The following STXBP5 variants were observed in gnomAD, a reference collection of about 807,000 sequenced individuals.
The protein encoded by STXBP5 is syntaxin binding protein 5.
In STXBP5, 50 loss-of-function variants were observed where a neutral mutation model predicts 152.4. The observed-to-expected ratio is 0.33, with a 90% CI of 0.26 to 0.42. STXBP5 has a LOEUF of 0.42. Among genes scored for constraint, STXBP5 ranks in the 10% least tolerant of loss-of-function variants. STXBP5 has a pLI of 1.00. For missense variants in STXBP5, 1,167 were observed against 1,388.6 expected, an observed-to-expected ratio of 0.84 and a Z score of 2.54; for synonymous variants, 492 against 494.7, an observed-to-expected ratio of 0.99 and a Z score of 0.07.
intron 7 of STXBP5, among the ~76,000 whole-genome samples, chr6:147,268,722 A>G (rs1352410672): frequency 1.3e-5 from 2 of 152,242 alleles, no homozygotes; most frequent in East Asian, 3.8e-4. Flanking sequence ...ATAGTGATCT[A>G]GGCTTGAGCC....
chr6:147,369,885 A>C (rs1302586953), intron 25 of STXBP5, among the ~76,000 whole-genome samples: 2 of 152,066 alleles, frequency 1.3e-5, no homozygotes, highest in African/African-American at 2.4e-5. Flanking sequence ...TTTTCTAAAA[A>C]GTTAACATTC....
At chr6:147,260,194 T>C (rs1007032247) in intron 4 of STXBP5, among the ~76,000 whole-genome samples, 3 of 152,154 alleles carry the variant, frequency 2.0e-5, no homozygotes, top group Non-Finnish European at 4.4e-5. Flanking sequence ...GAGGTGCATT[T>C]TGCCTGGAAG....
At chr6:147,230,199 C>T (rs1198224294) in intron 2 of STXBP5, among the ~76,000 whole-genome samples, 2 of 151,754 alleles carry the variant, frequency 1.3e-5, no homozygotes, top group Non-Finnish European at 2.9e-5. Flanking sequence ...ATTTCTATTT[C>T]TTATTTAATT....
chr6:147,250,572 G>A (rs1562438537), intron 4 of STXBP5, among the ~76,000 whole-genome samples: 1 of 151,914 alleles, frequency 6.6e-6, no homozygotes, highest in Non-Finnish European at 1.5e-5. Flanking sequence ...GTATTCATGG[G>A]GCTCCTGGAA....
At chr6:147,248,280 C>CAAAAAA (rs753458821) in intron 4 of STXBP5, among the ~76,000 whole-genome samples, 1 of 52,584 alleles carries the variant, frequency 1.9e-5, no homozygotes, top group Non-Finnish European at 4.2e-5. Context: ...GACTCCATCT[C>CAAAAAA]AAAAAAAAAA....
At chr6:147,275,800 A>C (rs1582878074) in intron 7 of STXBP5, among the ~76,000 whole-genome samples, 1 of 151,416 alleles carries the variant, frequency 6.6e-6, no homozygotes, top group Non-Finnish European at 1.5e-5. Context: ...CTCATGATCC[A>C]CCCGCCTTGG....
At chr6:147,213,255 G>T (rs1289040948) in intron 2 of STXBP5, among the ~76,000 whole-genome samples, 2 of 151,396 alleles carry the variant, frequency 1.3e-5, no homozygotes, top group Non-Finnish European at 2.9e-5. Context: ...TTATTTACAA[G>T]AAGAATTTTT....
intron 9 of STXBP5, among the ~76,000 whole-genome samples, chr6:147,303,662 C>T: frequency 6.6e-6 from 1 of 152,188 alleles, no homozygotes; most frequent in Non-Finnish European, 1.5e-5. Context: ...GAGTTTGCAG[C>T]TTCCTAGAGA....
chr6:147,340,439 T>G (rs1388150515), intron 21 of STXBP5, among the ~76,000 whole-genome samples: 1 of 152,054 alleles, frequency 6.6e-6, no homozygotes, highest in Admixed American at 6.6e-5. Flanking sequence ...TCTTTGTATT[T>G]GTGGGGTTTT....
At chr6:147,206,704 G>C (rs1776583013) in intron 2 of STXBP5, among the ~76,000 whole-genome samples, 1 of 152,006 alleles carries the variant, frequency 6.6e-6, no homozygotes, top group Non-Finnish European at 1.5e-5. Context: ...AAAACTGTTA[G>C]GTTACTATAC....
chr6:147,329,270 T>A (rs1323668742), intron 18 of STXBP5, among the ~76,000 whole-genome samples: 2 of 148,826 alleles, frequency 1.3e-5, no homozygotes, highest in Non-Finnish European at 3.0e-5. Context: ...TATTATTTGC[T>A]TTATTTTGTT....
intron 4 of STXBP5, among the ~76,000 whole-genome samples, chr6:147,243,751 T>G (rs1778661815): frequency 6.6e-6 from 1 of 152,244 alleles, no homozygotes; most frequent in South Asian, 2.1e-4. Context: ...GATTTAAATT[T>G]TTTGAAATAT....
At chr6:147,304,526 C>T (rs961740656) in intron 9 of STXBP5, among the ~76,000 whole-genome samples, 3 of 152,118 alleles carry the variant, frequency 2.0e-5, no homozygotes, top group Non-Finnish European at 4.4e-5. Context: ...TGCCCCCACA[C>T]AGAGTCCCCA....
intron 21 of STXBP5, among the ~76,000 whole-genome samples, chr6:147,347,196 A>G (rs1784378130): frequency 6.6e-6 from 1 of 152,234 alleles, no homozygotes; most frequent in Non-Finnish European, 1.5e-5. Flanking sequence ...AGTTAGAAAA[A>G]GAAGGGCAAA....
Position 147,325,102 on chromosome 6 carries a change from T to G in STXBP5, c.1928+18T>G, listed in dbSNP as rs758052204. 1 of 1,481,774 alleles carries G rather than the reference T, an allele frequency of 6.7e-7. No homozygotes were observed. The highest frequency in any genetic ancestry group is 9.0e-7 in the Non-Finnish European group (1 of 1,107,600). The allele number at this position is 1,481,774 out of a possible 1,614,324, so 91.8% of individuals were successfully genotyped here. On this transcript the variant is annotated intron_variant, in intron 17 of 27. Coordinates refer to ENST00000321680, the MANE Select transcript of STXBP5 (RefSeq NM_001127715.4). ...TATGGACTGTAAGTATAAGTTACGT[T>G]TTTTTCTAAGTCTCTTCATAGTATT...
intron 21 of STXBP5, among the ~76,000 whole-genome samples, chr6:147,348,006 T>G (rs1276163066): frequency 6.6e-6 from 1 of 152,236 alleles, no homozygotes; most frequent in Non-Finnish European, 1.5e-5. Flanking sequence ...TTCTTTATAA[T>G]AAGAATGAAT....
intron 9 of STXBP5, among the ~76,000 whole-genome samples, chr6:147,299,932 GA>G (rs1781721892): frequency 6.6e-6 from 1 of 151,974 alleles, no homozygotes; most frequent in African/African-American, 2.4e-5. Flanking sequence ...AGACTCAACT[GA>G]AAAACTGTTA....
intron 4 of STXBP5, among the ~76,000 whole-genome samples, chr6:147,242,662 G>A (rs886091523): frequency 3.3e-5 from 5 of 152,080 alleles, no homozygotes; most frequent in Admixed American, 6.5e-5. Context: ...TATGTAATAC[G>A]CAGTAACATG....
intron 9 of STXBP5, among the ~76,000 whole-genome samples, chr6:147,308,311 A>C (rs1344602722): frequency 6.6e-6 from 1 of 152,168 alleles, no homozygotes; most frequent in African/African-American, 2.4e-5. Flanking sequence ...GAAACACTGA[A>C]TGTATGGATA....
Sources: gnomAD v4.1 joint callset for allele counts (sites outside exome capture counted in the v4.1 genomes callset) on GRCh38, gnomAD v4.1.1 for gene constraint, MANE v1.5 for transcripts, NCBI Gene and HGNC (gene_info 2026-07-23, HGNC 2026-07-21) for gene names.